ADRA1A: variants seen among roughly 807,000 people sequenced by gnomAD.
ADRA1A encodes the protein adrenoceptor alpha 1A, also known as alpha-1A adrenergic receptor.
Under a neutral mutation model 29.6 loss-of-function variants are expected in ADRA1A, and 31 were observed. That is an observed-to-expected ratio of 1.05 (90% confidence interval 0.79 to 1.41). The LOEUF is 1.41. ADRA1A is among the 40% of genes most tolerant of loss of function. ADRA1A has a pLI of 0.00. For missense variants in ADRA1A, 619 were observed against 601.1 expected, an observed-to-expected ratio of 1.03 and a Z score of -0.31; for synonymous variants, 311 against 254.3, an observed-to-expected ratio of 1.22 and a Z score of -2.12.
chr8:26,748,395 T>C (rs1804781367), exon 3 of ADRA1A: 1 of 170,724 alleles, frequency 5.9e-6, no homozygotes, highest in South Asian at 1.3e-4. Context: ...ATTGAGCTTC[T>C]GAGCAAGATT....
rs533111791 is a variant in ADRA1A, at chr8:26,859,186, A to G, written c.883+4901T>C. Reference sequence around the variant, plus strand: ...GCCCTTTTCTCCAAAACAGCACGTCATATTTAAGAATGTATGTCCCTTGAA... The same window carrying G: ...GCCCTTTTCTCCAAAACAGCACGTCGTATTTAAGAATGTATGTCCCTTGAA... On this transcript the variant is annotated intron_variant, in intron 2 of 2. Transcript: ENST00000380573. The G allele has an allele frequency of 1.3e-4, 169 of 1,288,820 alleles. 2 individuals are homozygous for G. The South Asian group carries it at 2.0e-3, about 16-fold the overall frequency. 79.8% of individuals were successfully genotyped at this position (1,288,820 alleles called of 1,614,324 possible).
At chr8:26,794,209 G>A (rs1427941411) in intron 2 of ADRA1A, among the ~76,000 whole-genome samples, 1 of 152,082 alleles carries the variant, frequency 6.6e-6, no homozygotes, top group Non-Finnish European at 1.5e-5. Flanking sequence ...AAGGATTGAA[G>A]TTGTTACCTG....
downstream of ADRA1A, among the ~76,000 whole-genome samples, chr8:26,764,507 T>C (rs899724745): frequency 2.0e-5 from 3 of 152,162 alleles, no homozygotes; most frequent in East Asian, 5.8e-4. Flanking sequence ...ATGAGTGAGA[T>C]ATGAACGTCA....
Position 26,787,383 on chromosome 8 carries a change from A to T in ADRA1A, c.884-16717T>A, listed in dbSNP as rs1390511. ...ATAATTAGGTTTGTTCAGAATAGACATGTTTGGACATGGAAAAAAAACCCA... is the reference window on the plus strand; with the variant it reads ...ATAATTAGGTTTGTTCAGAATAGACTTGTTTGGACATGGAAAAAAAACCCA... On this transcript the variant is annotated intron_variant, in intron 2 of 2. Coordinates refer to ENST00000380573, the MANE Select transcript of ADRA1A (RefSeq NM_000680.4). The surrounding 1 kb of genome is among the most constrained non-coding windows in gnomAD (Gnocchi z 4.2). 0.34 allele frequency among the ~76,000 whole-genome samples: 51,315 copies of T among 152,026 alleles called. 9,991 individuals are homozygous for T. Among genetic ancestry groups the T allele is most frequent in the East Asian group, 0.84 (4,343 of 5,164 alleles).
intron 2 of ADRA1A, among the ~76,000 whole-genome samples, chr8:26,778,867 A>G (rs1046291772): frequency 1.3e-5 from 2 of 151,946 alleles, no homozygotes; most frequent in African/African-American, 4.8e-5. Context: ...TGGGTGCAGC[A>G]CACCAACATG....
chr8:26,793,743 A>G (rs1218958279), intron 2 of ADRA1A, among the ~76,000 whole-genome samples: 3 of 152,024 alleles, frequency 2.0e-5, no homozygotes, highest in African/African-American at 7.2e-5. Flanking sequence ...GTCTAATTTT[A>G]TTCAAGGAGA....
At chr8:26,814,731 C>G (rs1208144539) in intron 2 of ADRA1A, among the ~76,000 whole-genome samples, 1 of 152,140 alleles carries the variant, frequency 6.6e-6, no homozygotes, top group African/African-American at 2.4e-5. Context: ...TTTGTGTTGG[C>G]CAAATGATAA....
chr8:26,807,741 G>A (rs572488108), intron 2 of ADRA1A, among the ~76,000 whole-genome samples: 21 of 152,282 alleles, frequency 1.4e-4, no homozygotes, highest in African/African-American at 5.1e-4. Context: ...AGAATGTCCA[G>A]GAAAAGACAG....
At chr8:26,777,138 G>A (rs1417827253) in intron 2 of ADRA1A, among the ~76,000 whole-genome samples, 1 of 152,200 alleles carries the variant, frequency 6.6e-6, no homozygotes, top group East Asian at 1.9e-4. Flanking sequence ...ACTTTGGCCT[G>A]AACCCTCCTG....
At chr8:26,857,396 G>T (rs1227303320) in intron 2 of ADRA1A, among the ~76,000 whole-genome samples, 1 of 152,172 alleles carries the variant, frequency 6.6e-6, no homozygotes, top group Non-Finnish European at 1.5e-5. Context: ...GCCAGGTGTG[G>T]TGACTCATGC....
At chr8:26,811,030 T>C (rs932940449) in intron 2 of ADRA1A, among the ~76,000 whole-genome samples, 13 of 152,238 alleles carry the variant, frequency 8.5e-5, no homozygotes, top group African/African-American at 3.1e-4. Flanking sequence ...GGAACTGCTT[T>C]GAATCCATAC....
At chr8:26,799,084 A>G (rs1378063360) in intron 2 of ADRA1A, among the ~76,000 whole-genome samples, 1 of 152,138 alleles carries the variant, frequency 6.6e-6, no homozygotes, top group Non-Finnish European at 1.5e-5. Flanking sequence ...GCATTTGTTT[A>G]TTTAATGTAT....
intron 2 of ADRA1A, among the ~76,000 whole-genome samples, chr8:26,786,240 A>T (rs1041424535): frequency 4.1e-5 from 6 of 145,964 alleles, no homozygotes; most frequent in South Asian, 2.2e-4. Context: ...TTATTTTTAA[A>T]TTTTTTTTTT....
At position 26,821,615 on chromosome 8, in the gene ADRA1A, C is replaced by G. The variant is rs1268842156; in HGVS notation, c.883+42472G>C. Among the ~76,000 whole-genome samples the G allele has an allele frequency of 3.3e-5, 5 of 152,172 alleles. No homozygotes were observed. Among genetic ancestry groups the G allele is most frequent in the Non-Finnish European group, 5.9e-5 (4 of 68,026 alleles). ...TTCAAACCACATTACCAGGTTTCAT[C>G]CAATGGCAACATCTTGCAAAACTAC... On this transcript the variant is annotated intron_variant, in intron 2 of 2. Coordinates refer to ENST00000380573, the MANE Select transcript of ADRA1A (RefSeq NM_000680.4). This position sits in a 1 kb window ranked among gnomAD's most constrained non-coding sequence, Gnocchi z 5.6.
intron 2 of ADRA1A, among the ~76,000 whole-genome samples, chr8:26,759,612 A>G (rs12674917): frequency 0.12 from 17,736 of 152,032 alleles, 1,621 homozygotes; most frequent in East Asian, 0.33. Context: ...TCCAGGACTG[A>G]CTCGGGGAGG....
Position 26,805,476 on chromosome 8 carries a change from G to A in ADRA1A, c.884-34810C>T, listed in dbSNP as rs925675420. 3.3e-5 allele frequency among the ~76,000 whole-genome samples: 5 copies of A among 152,308 alleles called. No homozygotes were observed. The highest frequency in any genetic ancestry group is 4.8e-5 in the African/African-American group (2 of 41,582). On this transcript the variant is annotated intron_variant, in intron 2 of 2. Coordinates refer to ENST00000380573, the MANE Select transcript of ADRA1A (RefSeq NM_000680.4). The surrounding 1 kb of genome is among the most constrained non-coding windows in gnomAD (Gnocchi z 4.8). ...TAATACAAGACTGAATACTTACTGC[G>A]TGTCCACTCTATGCCCAGTACTTTC...
chr8:26,759,649 C>T (rs1430175966), intron 2 of ADRA1A, among the ~76,000 whole-genome samples: 6 of 152,144 alleles, frequency 3.9e-5, no homozygotes, highest in African/African-American at 1.2e-4. Flanking sequence ...GTACTCTGCC[C>T]GATGCTCAGC....
chr8:26,799,497 T>C (rs1228869536), intron 2 of ADRA1A, among the ~76,000 whole-genome samples: 1 of 152,244 alleles, frequency 6.6e-6, no homozygotes, highest in African/African-American at 2.4e-5. Context: ...TGTGGTCAAA[T>C]ATACCCAGTG....
chr8:26,792,131 A>G (rs1807881377), intron 2 of ADRA1A, among the ~76,000 whole-genome samples: 1 of 152,198 alleles, frequency 6.6e-6, no homozygotes, highest in Non-Finnish European at 1.5e-5. Context: ...AGCAGCCATC[A>G]GGATTGGAAC....
Sources: gnomAD v4.1 joint callset for allele counts (sites outside exome capture counted in the v4.1 genomes callset) on GRCh38, gnomAD v4.1.1 for gene constraint, Gnocchi (gnomAD v3.1) non-coding constraint, MANE v1.5 for transcripts, NCBI Gene and HGNC (gene_info 2026-07-23, HGNC 2026-07-21) for gene names.